COL4A5: variants seen among roughly 807,000 people sequenced by gnomAD.
COL4A5 encodes the protein collagen type IV alpha 5 chain.
A neutral mutation model predicts 130.2 loss-of-function variants in COL4A5; 26 were observed. The observed-to-expected ratio is 0.20, with a 90% CI of 0.15 to 0.28. COL4A5 has a LOEUF of 0.28. COL4A5 is among the 10% of genes least tolerant of loss of function. The pLI is 1.00. For synonymous variants in COL4A5, 496 were observed against 439.6 expected, an observed-to-expected ratio of 1.13 and a Z score of -1.60; for missense variants, 1,131 against 1,344.3, an observed-to-expected ratio of 0.84 and a Z score of 2.48.
At chrX:108,451,294 G>T (rs1423649671) in intron 1 of COL4A5, among the ~76,000 whole-genome samples, 2 of 110,236 alleles carry the variant, frequency 1.8e-5, no homozygotes, top group Non-Finnish European at 3.8e-5. Context: ...GAATAGTGCT[G>T]CAATAAACAT....
intron 1 of COL4A5, among the ~76,000 whole-genome samples, chrX:108,534,647 T>C (rs1215398344): frequency 9.0e-6 from 1 of 111,165 alleles, no homozygotes; most frequent in African/African-American, 3.3e-5. Context: ...AAAGATGTCA[T>C]TCCGTGGTCT....
At chrX:108,625,315 G>A (rs888573459) in intron 34 of COL4A5, among the ~76,000 whole-genome samples, 5 of 111,169 alleles carry the variant, frequency 4.5e-5, no homozygotes, top group African/African-American at 6.5e-5. Flanking sequence ...ATATAATCAC[G>A]CTCTACATGA....
chrX:108,663,190 A>AGT (rs746693126), intron 37 of COL4A5, among the ~76,000 whole-genome samples: 1 of 112,162 alleles, frequency 8.9e-6, no homozygotes, highest in South Asian at 3.7e-4. Context: ...TATGCTTGTT[A>AGT]GTATTTATTT....
intron 40 of COL4A5, among the ~76,000 whole-genome samples, chrX:108,667,663 A>C (rs1220070285): frequency 3.6e-5 from 4 of 110,140 alleles, no homozygotes; most frequent in African/African-American, 6.6e-5. Context: ...ATGTACATAC[A>C]GACATGTATG....
chrX:108,553,811 G>A (rs1194800696), intron 2 of COL4A5, among the ~76,000 whole-genome samples: 1 of 111,559 alleles, frequency 9.0e-6, no homozygotes, highest in Non-Finnish European at 1.9e-5. Flanking sequence ...GCCAGAAACT[G>A]GAAACAACTC....
At chrX:108,616,393 G>A (rs2066927958) in intron 30 of COL4A5, among the ~76,000 whole-genome samples, 2 of 109,938 alleles carry the variant, frequency 1.8e-5, no homozygotes, top group Non-Finnish European at 3.8e-5. Context: ...GCACCACCAC[G>A]CCCGGCTAAT....
chrX:108,642,989 C>A (rs1211403932), intron 36 of COL4A5, among the ~76,000 whole-genome samples: 2 of 110,551 alleles, frequency 1.8e-5, no homozygotes, highest in African/African-American at 6.6e-5. Context: ...AGGTGAAGCC[C>A]AATGTAAGGA....
intron 1 of COL4A5, among the ~76,000 whole-genome samples, chrX:108,509,972 G>A (rs1213330014): frequency 8.9e-6 from 1 of 112,295 alleles, no homozygotes; most frequent in African/African-American, 3.2e-5. Flanking sequence ...ATACTATGCA[G>A]GCATAAAAAA....
chrX:108,683,417 C>A (rs1461405897), intron 47 of COL4A5, among the ~76,000 whole-genome samples: 4 of 110,888 alleles, frequency 3.6e-5, no homozygotes, highest in African/African-American at 6.6e-5. Flanking sequence ...TAGTTTTTTT[C>A]TAATTCTGTA....
intron 4 of COL4A5, among the ~76,000 whole-genome samples, chrX:108,567,830 T>G (rs2065997592): frequency 9.0e-6 from 1 of 111,454 alleles, no homozygotes; most frequent in South Asian, 3.8e-4. Flanking sequence ...ATGATTCAAT[T>G]ATCTCCCACC....
intron 49 of COL4A5, among the ~76,000 whole-genome samples, chrX:108,690,538 G>A (rs773195478): frequency 1.8e-5 from 2 of 111,461 alleles, no homozygotes; most frequent in Non-Finnish European, 3.8e-5. Context: ...ATGCACAGAG[G>A]CATTATTTTT....
intron 1 of COL4A5, among the ~76,000 whole-genome samples, chrX:108,529,924 A>G (rs2065363517): frequency 1.8e-5 from 2 of 111,686 alleles, no homozygotes; most frequent in Admixed American, 9.5e-5. Flanking sequence ...AAATATTCCA[A>G]AGAGAGAAAT....
Position 108,496,316 on chromosome X carries a change from CAT to C in COL4A5, c.82-43427_82-43426del, listed in dbSNP as rs1246739126. Among the ~76,000 whole-genome samples, 5 of 111,730 alleles carry C rather than the reference CAT, an allele frequency of 4.5e-5. No homozygotes were observed. In the East Asian group the frequency reaches 1.4e-3, roughly 31 times the overall value. On this transcript the variant is annotated intron_variant, in intron 1 of 52. Transcript: ENST00000328300. ...TTTTTTCAATAATTTTACTTTGACT[CAT>C]ATGTTAATACTTGGAAGTGTCTTGT...
At chrX:108,616,841 A>G (rs991520387) in intron 30 of COL4A5, among the ~76,000 whole-genome samples, 9 of 109,568 alleles carry the variant, frequency 8.2e-5, no homozygotes, top group Non-Finnish European at 1.7e-4. Context: ...AGATATAAAT[A>G]TAATATATAG....
At chrX:108,448,706 A>C (rs1169583036) in intron 1 of COL4A5, among the ~76,000 whole-genome samples, 1 of 112,241 alleles carries the variant, frequency 8.9e-6, no homozygotes, top group Non-Finnish European at 1.9e-5. Flanking sequence ...TTTTTCTTGC[A>C]AGTGCTAAAA....
chrX:108,543,906 G>A (rs1373372656), intron 2 of COL4A5, among the ~76,000 whole-genome samples: 1 of 111,557 alleles, frequency 9.0e-6, no homozygotes, highest in Admixed American at 9.5e-5. Flanking sequence ...TTGGCTCTCT[G>A]TTTGTCTGTT....
intron 40 of COL4A5, 30 bp downstream of exon 40, chrX:108,667,213 T>C: frequency 1.8e-5 from 20 of 1,138,621 alleles, no homozygotes; most frequent in Non-Finnish European, 2.3e-5. Context: ...GCTAAATCAA[T>C]CTATAATAAA....
intron 36 of COL4A5, among the ~76,000 whole-genome samples, chrX:108,642,626 G>C (rs962215746): frequency 3.6e-5 from 4 of 110,170 alleles, no homozygotes; most frequent in African/African-American, 1.3e-4. Flanking sequence ...GCTAAACCAA[G>C]AAGAGAGACA....
At chrX:108,479,721 C>G (rs2064870049) in intron 1 of COL4A5, among the ~76,000 whole-genome samples, 1 of 111,746 alleles carries the variant, frequency 8.9e-6, no homozygotes, top group Admixed American at 9.5e-5. Context: ...TATACCACTT[C>G]CATTTGATGA....
Sources: gnomAD v4.1 joint callset for allele counts (sites outside exome capture counted in the v4.1 genomes callset) on GRCh38, gnomAD v4.1.1 for gene constraint, MANE v1.5 for transcripts, NCBI Gene and HGNC (gene_info 2026-07-23, HGNC 2026-07-21) for gene names.